The following LAMA2 variants were observed in gnomAD, a reference collection of about 807,000 sequenced individuals.
LAMA2 encodes laminin subunit alpha-2.
In LAMA2, 269 loss-of-function variants were observed where a neutral mutation model predicts 364.8. The ratio of observed to expected loss-of-function variants is 0.74; its 90% CI spans 0.67 to 0.82. The LOEUF (loss-of-function observed/expected upper bound fraction) is 0.82. Among genes scored for constraint, LAMA2 ranks in the 40% least tolerant of loss-of-function variants. LAMA2 has a pLI of 0.00. For synonymous variants in LAMA2, 1,379 were observed against 1,370.6 expected (o/e 1.01, Z -0.14); for missense variants, 3,807 against 3,873.2 (o/e 0.98, Z 0.45).
At chr6:129,258,013 T>C (rs1786826211) in intron 14 of LAMA2, among the ~76,000 whole-genome samples, 1 of 152,076 alleles carries the variant, frequency 6.6e-6, no homozygotes, top group Non-Finnish European at 1.5e-5. Flanking sequence ...TATCTGTCTA[T>C]CTACCCATCC....
At chr6:129,332,615 A>C (rs1322724346) in intron 29 of LAMA2, among the ~76,000 whole-genome samples, 9 of 152,128 alleles carry the variant, frequency 5.9e-5, no homozygotes, top group Non-Finnish European at 1.2e-4. Context: ...CTCTCTTCAG[A>C]TATTTTATGT....
intron 1 of LAMA2, among the ~76,000 whole-genome samples, chr6:129,028,386 G>A (rs1785983222): frequency 6.6e-6 from 1 of 151,688 alleles, no homozygotes; most frequent in Non-Finnish European, 1.5e-5. Context: ...TATTCAGCAA[G>A]TTTTCAATTT....
chr6:129,059,214 A>T (rs558179187), intron 2 of LAMA2, among the ~76,000 whole-genome samples: 1 of 152,242 alleles, frequency 6.6e-6, no homozygotes, highest in Non-Finnish European at 1.5e-5. Context: ...AGCATGCTAT[A>T]TTTTCGGGTA....
chr6:129,275,431 T>G (rs1258239267), intron 17 of LAMA2, among the ~76,000 whole-genome samples: 1 of 152,030 alleles, frequency 6.6e-6, no homozygotes, highest in Non-Finnish European at 1.5e-5. Flanking sequence ...TCTCTGTGCT[T>G]CTTCCAATGG....
At chr6:128,976,496 G>A (rs968128834) in intron 1 of LAMA2, among the ~76,000 whole-genome samples, 3 of 152,188 alleles carry the variant, frequency 2.0e-5, no homozygotes, top group Admixed American at 6.5e-5. Context: ...AGACTGTGTA[G>A]TAGGAACACA....
At position 129,486,484 on chromosome 6, in the gene LAMA2, C is replaced by T. The variant is rs2229848; in HGVS notation, c.7760C>T (p.Ala2587Val). 0.7 allele frequency: 1,120,968 copies of T among 1,612,146 alleles called. 393,345 individuals are homozygous for T. The highest frequency in any genetic ancestry group is 0.72 in the Non-Finnish European group (848,553 of 1,178,576). The change falls in exon 56 of 65, where the codon GCA (alanine) becomes GTA (valine). Residue 2587 changes from alanine (A) to valine (V), a missense_variant. By Grantham distance (64) the Ala-to-Val change is moderately conservative. Transcript: ENST00000421865. Reference protein sequence around the residue: ...KRRQTGQAYYAILLNRGRLEV... With the variant: ...KRRQTGQAYYVILLNRGRLEV... ...CACTTGCTGTTGCAGGCCTATTATG[C>T]AATACTCCTCAACAGGGGCCGTCTG...
chr6:129,492,792 G>A (rs1784941277), intron 58 of LAMA2, among the ~76,000 whole-genome samples: 1 of 152,144 alleles, frequency 6.6e-6, no homozygotes, highest in African/African-American at 2.4e-5. Context: ...CCTTTTATCT[G>A]CATAGTAGAT....
chr6:128,887,517 ATCTT>A (rs999876528), intron 1 of LAMA2, among the ~76,000 whole-genome samples: 1 of 152,144 alleles, frequency 6.6e-6, no homozygotes, highest in African/African-American at 2.4e-5. Flanking sequence ...TTTCTGGTCT[ATCTT>A]AAGATTTTTC....
In LAMA2 at chr6:129,143,913, T is replaced by A. The variant is rs773067920; in HGVS notation, c.652T>A (p.Leu218Ile). The change falls in exon 5 of 65, where the codon TTA becomes ATA. Residue 218 changes from leucine (L) to isoleucine (I), a missense_variant. Physicochemically the swap from Leu to Ile is conservative, Grantham distance 5. Transcript: ENST00000421865. Reference protein sequence around the residue: ...PLENGEIHISLINGRPSADDP... With the variant: ...PLENGEIHISIINGRPSADDP... The stretch of plus-strand genomic sequence containing the variant: ...TCATATTGTGTAGATTCACATCTCT[T>A]TAATCAATGGGAGACCAAGTGCCGA... The A allele has an allele frequency of 4.4e-6, 7 of 1,603,216 alleles. No homozygotes were observed.
chr6:129,253,889 C>G (rs1786443532), intron 14 of LAMA2, among the ~76,000 whole-genome samples: 1 of 152,152 alleles, frequency 6.6e-6, no homozygotes, highest in African/African-American at 2.4e-5. Context: ...AAGAGCTAAT[C>G]CAAGTAGGTG....
At chr6:129,022,235 C>T (rs1785491819) in intron 1 of LAMA2, among the ~76,000 whole-genome samples, 1 of 152,158 alleles carries the variant, frequency 6.6e-6, no homozygotes, top group African/African-American at 2.4e-5. Context: ...AGAAAGCAAT[C>T]TTTCAAGAGG....
intron 1 of LAMA2, among the ~76,000 whole-genome samples, chr6:129,031,200 A>G (rs1202825349): frequency 6.6e-6 from 1 of 152,234 alleles, no homozygotes; most frequent in Non-Finnish European, 1.5e-5. Flanking sequence ...AAATTTGTCT[A>G]TAAAACAAGT....
intron 1 of LAMA2, among the ~76,000 whole-genome samples, chr6:128,898,952 C>T (rs1776926465): frequency 6.6e-6 from 1 of 152,094 alleles, no homozygotes; most frequent in South Asian, 2.1e-4. Flanking sequence ...CTCAATATTC[C>T]AATCTCATGT....
rs1256347636 is a variant in LAMA2 at position 129,098,295 on chromosome 6, C to T, written c.519C>T (p.Asp173=). The T allele has an allele frequency of 4.3e-6, 7 of 1,613,972 alleles. No individual in the cohort carries two copies. Among genetic ancestry groups the T allele is most frequent in the Non-Finnish European group, 5.9e-6 (7 of 1,180,010 alleles). Reference sequence around the variant, plus strand: ...CCTGGCAGTATCATGCTGTGACAGACACGGAGTGCCTAACGCTTTACAATA... The same window carrying T: ...CCTGGCAGTATCATGCTGTGACAGATACGGAGTGCCTAACGCTTTACAATA... ...YKPWQYHAVT[D]TECLTLYNIY... The change falls in exon 4 of 65, where the codon GAC becomes GAT. Residue 173 remains aspartate (D), a synonymous_variant. Transcript: ENST00000421865.
At chr6:129,230,390 G>A (rs1784605607) in intron 12 of LAMA2, among the ~76,000 whole-genome samples, 1 of 152,068 alleles carries the variant, frequency 6.6e-6, no homozygotes, top group Admixed American at 6.6e-5. Context: ...GGATTTAAGA[G>A]AGAATAAGAA....
chr6:128,981,757 AAATAAT>A (rs1165514790), intron 1 of LAMA2, among the ~76,000 whole-genome samples: 1 of 151,990 alleles, frequency 6.6e-6, no homozygotes, highest in Non-Finnish European at 1.5e-5. Flanking sequence ...CTCAAAAAGA[AAATAAT>A]AATAATAATA....
At chr6:129,114,024 A>G (rs971084441) in intron 4 of LAMA2, among the ~76,000 whole-genome samples, 10 of 152,044 alleles carry the variant, frequency 6.6e-5, no homozygotes, top group Non-Finnish European at 4.4e-5. Flanking sequence ...CAAAGGCAGA[A>G]TGTGAAAAGG....
At chr6:129,399,840 A>C (rs1779864994) in intron 37 of LAMA2, among the ~76,000 whole-genome samples, 1 of 152,240 alleles carries the variant, frequency 6.6e-6, no homozygotes. Context: ...TGCAAATTTT[A>C]AAACTGTGAT....
chr6:129,113,726 G>A (rs1259946164), intron 4 of LAMA2, among the ~76,000 whole-genome samples: 1 of 151,952 alleles, frequency 6.6e-6, no homozygotes, highest in Non-Finnish European at 1.5e-5. Flanking sequence ...AAGGAATAGT[G>A]TCCTGGGCAA....
Sources: allele counts gnomAD v4.1 joint callset (sites outside exome capture counted in the v4.1 genomes callset), GRCh38; gene constraint gnomAD v4.1.1; transcripts MANE v1.5; gene names NCBI Gene and HGNC (gene_info 2026-07-23, HGNC 2026-07-21).